The following OR2Y1 variants were observed in gnomAD, a reference collection of about 807,000 sequenced individuals.
The protein encoded by OR2Y1 is olfactory receptor 2Y1.
For synonymous variants in OR2Y1, 163 were observed against 154.2 expected, an observed-to-expected ratio of 1.06 and a Z score of -0.42; for missense variants, 412 against 388.4, an observed-to-expected ratio of 1.06 and a Z score of -0.51.
rs749328347 is a variant in OR2Y1 at position 180,739,873 on chromosome 5, A to G, written c.186T>C (p.Phe62=). The G allele has an allele frequency of 5.0e-6, 8 of 1,614,200 alleles. No homozygotes were observed. In the South Asian group the frequency reaches 8.8e-5, roughly 18 times the overall value. ...GGTCCAGGAGGGACAGATGAGAGAG[A>G]AAGAAGTACATAGGTGTGTGCAGCC... is the stretch of plus-strand genomic sequence containing the variant. The part of the protein sequence containing the change: ...DLRLHTPMYF[F]LSHLSLLDLC... Residue 62 remains phenylalanine (F), a synonymous_variant, in exon 1 of 1, where the codon TTT becomes TTC. Coordinates refer to ENST00000307832, the MANE Select transcript of OR2Y1 (RefSeq NM_001001657.1).
In OR2Y1 at chr5:180,739,302, A is replaced by G; in HGVS notation, c.757T>C (p.Ser253Pro). Residue 253 changes from serine to proline, a missense_variant, in exon 1 of 1, where the codon TCA (serine) becomes CCA (proline). Ser to Pro is a moderately conservative substitution (Grantham distance 74). Transcript: ENST00000307832. Reference protein sequence around the residue: ...HLLVVFLFYGSAIYTYLQSIH... With the variant: ...HLLVVFLFYGPAIYTYLQSIH... ...GATTGGAGATATGTGTAGATGGCTG[A>G]GCCATAAAAAAGGAAAACTACTAGG... 6.2e-7 allele frequency: 1 copy of G among 1,613,008 alleles called. No homozygotes were observed. The highest frequency in any genetic ancestry group is 2.2e-5 in the East Asian group (1 of 44,832).
At position 180,739,640 on chromosome 5, in the gene OR2Y1, AG is replaced by A. The variant is rs745568212; in HGVS notation, c.418del (p.Leu140SerfsTer15). On this transcript the variant is annotated frameshift_variant, in exon 1 of 1. Transcript: ENST00000307832. LOFTEE classifies it low-confidence loss of function (END_TRUNC). ...LHYMAIMHPHLCQTLAIASWG... is the reference protein window; with the variant it reads ...LHYMAIMHPHXCQTLAIASWG... The stretch of plus-strand genomic sequence containing the variant: ...GGAGGCGATAGCCAGGGTCTGGCAG[AG>A]ATGGGGGTGCATGATGGCCATGTAG... 3.1e-6 allele frequency: 5 copies of A among 1,614,148 alleles called. No homozygotes were observed. The East Asian group carries it at 8.9e-5, about 29-fold the overall frequency.
rs1766821139 is a variant in OR2Y1 at position 180,739,906 on chromosome 5, T to C, written c.153A>G (p.Leu51=). The C allele has an allele frequency of 6.2e-7, 1 of 1,614,074 alleles. No homozygotes were observed. Among genetic ancestry groups the C allele is most frequent in the African/African-American group, 1.3e-5 (1 of 74,934 alleles). The change falls in exon 1 of 1, where the codon CTA becomes CTG. Residue 51 remains leucine, a synonymous_variant. Transcript: ENST00000307832. ...ACATAGGTGTGTGCAGCCGAAGGTC[T>C]AGCCAGGAGAGAGCGATGATGATGG... ...GNTIIIALSW[L]DLRLHTPMYF...
chr5:180,739,165 C>A lies in OR2Y1; in HGVS notation c.894G>T (p.Gly298=). Residue 298 remains glycine, a synonymous_variant, in exon 1 of 1, where the codon GGG becomes GGT. Coordinates refer to ENST00000307832, the MANE Select transcript of OR2Y1 (RefSeq NM_001001657.1). The part of the protein sequence containing the change: ...IYTLRNKDVK[G]ALWKVLWRGR... The stretch of plus-strand genomic sequence containing the variant: ...CCCTCCATAGTACTTTCCACAGAGC[C>A]CCCTTCACGTCCTTGTTTCTTAGTG... The A allele has an allele frequency of 6.2e-7, 1 of 1,613,106 alleles. No individual in the cohort carries two copies. The highest frequency in any genetic ancestry group is 8.5e-7 in the Non-Finnish European group (1 of 1,179,662).
In OR2Y1 at chr5:180,739,908, G is replaced by C. The variant is rs1423375854; in HGVS notation, c.151C>G (p.Leu51Val). The change falls in exon 1 of 1, where the codon CTA (leucine) becomes GTA (valine). Residue 51 changes from leucine to valine, a missense_variant. Leu to Val is a conservative substitution (Grantham distance 32). Transcript: ENST00000307832. ...GNTIIIALSW[L>V]DLRLHTPMYF... ...ATAGGTGTGTGCAGCCGAAGGTCTA[G>C]CCAGGAGAGAGCGATGATGATGGTG... 3.1e-6 allele frequency: 5 copies of C among 1,614,086 alleles called. No individual in the cohort carries two copies. The African/African-American group carries it at 6.7e-5, about 22-fold the overall frequency.
Position 180,739,424 on chromosome 5 carries a change from A to C in OR2Y1, c.635T>G (p.Leu212Arg). ...RVIVVAVPAALILGSYVHIAH... is the reference protein window; with the variant it reads ...RVIVVAVPAARILGSYVHIAH... Reference sequence around the variant, plus strand: ...AATGTGCACATAGGAGCCTAGAATAAGTGCTGCAGGAACAGCCACGACTAT... The same window carrying C: ...AATGTGCACATAGGAGCCTAGAATACGTGCTGCAGGAACAGCCACGACTAT... The change falls in exon 1 of 1, where the codon CTT becomes CGT. Residue 212 changes from leucine (L) to arginine (R), a missense_variant. Transcript: ENST00000307832. The C allele has an allele frequency of 6.2e-7, 1 of 1,614,240 alleles. No homozygotes were observed. Among genetic ancestry groups the C allele is most frequent in the Non-Finnish European group, 8.5e-7 (1 of 1,180,044 alleles).
chr5:180,739,865 TGA>T lies in OR2Y1; in HGVS notation c.192_193del (p.His65SerfsTer56), dbSNP rs1561791075. ...GAAGCAGAGGTCCAGGAGGGACAGATGAGAGAGAAAGAAGTACATAGGTGTGT... is the reference window on the plus strand; with the variant it reads ...GAAGCAGAGGTCCAGGAGGGACAGATGAGAGAAAGAAGTACATAGGTGTGT... On this transcript the variant is annotated frameshift_variant, in exon 1 of 1. Coordinates refer to ENST00000307832, the MANE Select transcript of OR2Y1 (RefSeq NM_001001657.1). LOFTEE classifies it low-confidence loss of function (END_TRUNC). The T allele has an allele frequency of 6.2e-6, 10 of 1,614,054 alleles. No individual in the cohort carries two copies. Among genetic ancestry groups the T allele is most frequent in the Non-Finnish European group, 8.5e-6 (10 of 1,180,016 alleles).
At position 180,739,575 on chromosome 5, in the gene OR2Y1, G is replaced by A. The variant is rs754459307; in HGVS notation, c.484C>T (p.Leu162Phe). 3 of 1,614,252 alleles carry A rather than the reference G, an allele frequency of 1.9e-6. No homozygotes were observed. Among genetic ancestry groups the A allele is most frequent in the Non-Finnish European group, 2.5e-6 (3 of 1,180,032 alleles). ...GFVNSLIQTG[L>F]AMAMPLCGHR... ...CCACAGAGAGGCATGGCCATTGCGA[G>A]ACCTGTCTGGATCAGAGAGTTCACG... Residue 162 changes from leucine to phenylalanine, a missense_variant, in exon 1 of 1, where the codon CTC becomes TTC. By Grantham distance (22) the Leu-to-Phe change is conservative (BLOSUM62 0). Transcript: ENST00000307832.
rs1173080202 is a variant in OR2Y1, at chr5:180,739,124, T to C, written c.935A>G (p.Ter312TrpextTer?). The C allele has an allele frequency of 6.3e-7, 1 of 1,587,674 alleles. No homozygotes were observed. Among genetic ancestry groups the C allele is most frequent in the East Asian group, 2.2e-5 (1 of 44,724 alleles). Reference sequence around the variant, plus strand: ...TTTTACTGCTCATTTTTTCACCTCCTACCCTGAGTCCCTGCCCCTCCATAG... The same window carrying C: ...TTTTACTGCTCATTTTTTCACCTCCCACCCTGAGTCCCTGCCCCTCCATAG... ...KVLWRGRDSG* is the reference protein window; with the variant it reads ...KVLWRGRDSGW Residue 312 changes from the stop codon to tryptophan (W), a stop_lost, in exon 1 of 1, where the codon TAG becomes TGG. Coordinates refer to ENST00000307832, the MANE Select transcript of OR2Y1 (RefSeq NM_001001657.1).
rs370146799 is a variant in OR2Y1, at chr5:180,739,887, G to T, written c.172C>A (p.Pro58Thr). Reference protein sequence around the residue: ...LSWLDLRLHTPMYFFLSHLSL... With the variant: ...LSWLDLRLHTTMYFFLSHLSL... ...AGATGAGAGAGAAAGAAGTACATAG[G>T]TGTGTGCAGCCGAAGGTCTAGCCAG... Residue 58 changes from proline to threonine, a missense_variant, in exon 1 of 1, where the codon CCT becomes ACT. By Grantham distance (38) the Pro-to-Thr change is conservative. Transcript: ENST00000307832. 2 of 1,614,216 alleles carry T rather than the reference G, an allele frequency of 1.2e-6. No individual in the cohort carries two copies. The highest frequency in any genetic ancestry group is 4.5e-5 in the East Asian group (2 of 44,884).
At position 180,739,564 on chromosome 5, in the gene OR2Y1, G is replaced by A; in HGVS notation, c.495C>T (p.Ala165=). Residue 165 remains alanine (A), a synonymous_variant, in exon 1 of 1, where the codon GCC becomes GCT. Transcript: ENST00000307832. ...TCAGTCGATGGCCACAGAGAGGCAT[G>A]GCCATTGCGAGACCTGTCTGGATCA... The part of the protein sequence containing the change: ...NSLIQTGLAM[A]MPLCGHRLNH... 1 of 1,614,254 alleles carries A rather than the reference G, an allele frequency of 6.2e-7. No individual in the cohort carries two copies. The highest frequency in any genetic ancestry group is 8.5e-7 in the Non-Finnish European group (1 of 1,180,032).
Position 180,739,992 on chromosome 5 carries a change from G to T in OR2Y1, c.67C>A (p.Leu23Met), listed in dbSNP as rs1433500190. ...ILVGFSDWPQ[L>M]EPILFVFIFI... ...ATAAAGACAAACAGGATGGGCTCCAGTTGCGGCCAATCTGAGAATCCCACC... is the reference window on the plus strand; with the variant it reads ...ATAAAGACAAACAGGATGGGCTCCATTTGCGGCCAATCTGAGAATCCCACC... Residue 23 changes from leucine (L) to methionine (M), a missense_variant, in exon 1 of 1, where the codon CTG becomes ATG. Leu to Met is a conservative substitution (Grantham distance 15). Coordinates refer to ENST00000307832, the MANE Select transcript of OR2Y1 (RefSeq NM_001001657.1). The T allele has an allele frequency of 1.2e-6, 2 of 1,613,824 alleles. No individual in the cohort carries two copies. Among genetic ancestry groups the T allele is most frequent in the Non-Finnish European group, 1.7e-6 (2 of 1,180,020 alleles).
rs1038889429 is a variant in OR2Y1 at position 180,739,398 on chromosome 5, C to T, written c.661G>A (p.Ala221Thr). 1 of 1,614,208 alleles carries T rather than the reference C, an allele frequency of 6.2e-7. No homozygotes were observed. Among genetic ancestry groups the T allele is most frequent in the Non-Finnish European group, 8.5e-7 (1 of 1,180,050 alleles). The stretch of plus-strand genomic sequence containing the variant: ...GACTTCACCCTCAGCACTGCATGAG[C>T]AATGTGCACATAGGAGCCTAGAATA... Reference protein sequence around the residue: ...ALILGSYVHIAHAVLRVKSTA... With the variant: ...ALILGSYVHITHAVLRVKSTA... Residue 221 changes from alanine (A) to threonine (T), a missense_variant, in exon 1 of 1, where the codon GCT (alanine) becomes ACT (threonine). Ala to Thr is a moderately conservative substitution (Grantham distance 58, BLOSUM62 0). Transcript: ENST00000307832.
chr5:180,739,931 G>A lies in OR2Y1; in HGVS notation c.128C>T (p.Thr43Ile). 6.2e-7 allele frequency: 1 copy of A among 1,614,198 alleles called. No individual in the cohort carries two copies. Among genetic ancestry groups the A allele is most frequent in the Non-Finnish European group, 8.5e-7 (1 of 1,180,012 alleles). The change falls in exon 1 of 1, where the codon ACC (threonine) becomes ATC (isoleucine). Residue 43 changes from threonine (T) to isoleucine (I), a missense_variant. By Grantham distance (89) the Thr-to-Ile change is moderately conservative. Coordinates refer to ENST00000307832, the MANE Select transcript of OR2Y1 (RefSeq NM_001001657.1). ...IFYSLTLFGN[T>I]IIIALSWLDL... ...TAGCCAGGAGAGAGCGATGATGATG[G>A]TGTTGCCAAAGAGAGTTAGGGAGTA...
Position 180,739,193 on chromosome 5 carries a change from T to G in OR2Y1, c.866A>C (p.Tyr289Ser). ...IITPILNPLI[Y>S]TLRNKDVKGA... is the part of the protein sequence containing the mutation. ...CTTCACGTCCTTGTTTCTTAGTGTA[T>G]AAATGAGAGGATTGAGAATGGGGGT... is the stretch of plus-strand genomic sequence containing the variant. Residue 289 changes from tyrosine (Y) to serine (S), a missense_variant, in exon 1 of 1, where the codon TAT becomes TCT. Coordinates refer to ENST00000307832, the MANE Select transcript of OR2Y1 (RefSeq NM_001001657.1). 1 of 1,614,066 alleles carries G rather than the reference T, an allele frequency of 6.2e-7. No homozygotes were observed. Among genetic ancestry groups the G allele is most frequent in the South Asian group, 1.1e-5 (1 of 91,076 alleles).
At position 180,739,743 on chromosome 5, in the gene OR2Y1, C is replaced by T. The variant is rs1336192490; in HGVS notation, c.316G>A (p.Ala106Thr). The T allele has an allele frequency of 6.2e-7, 1 of 1,614,090 alleles. No individual in the cohort carries two copies. The highest frequency in any genetic ancestry group is 1.3e-5 in the African/African-American group (1 of 74,924). Residue 106 changes from alanine to threonine, a missense_variant, in exon 1 of 1, where the codon GCC becomes ACC. Transcript: ENST00000307832. ...GCVAQLFIYL[A>T]LGSTECVLLV... ...AGCACACACTCTGTGGAGCCCAGGG[C>T]TAGGTAGATGAAGAGCTGAGCCACA... is the stretch of plus-strand genomic sequence containing the variant.
Position 180,739,262 on chromosome 5 carries a change from G to A in OR2Y1, c.797C>T (p.Ser266Phe). The change falls in exon 1 of 1, where the codon TCT (serine) becomes TTT (phenylalanine). Residue 266 changes from serine (S) to phenylalanine (F), a missense_variant. Ser to Phe is a radical substitution (Grantham distance 155, BLOSUM62 -2). Coordinates refer to ENST00000307832, the MANE Select transcript of OR2Y1 (RefSeq NM_001001657.1). Reference sequence around the variant, plus strand: ...GGCAACAAATTTTCCCTCACGCTCAGAATAATTGTGGATGGATTGGAGATA... The same window carrying A: ...GGCAACAAATTTTCCCTCACGCTCAAAATAATTGTGGATGGATTGGAGATA... ...YTYLQSIHNYSEREGKFVALF... is the reference protein window; with the variant it reads ...YTYLQSIHNYFEREGKFVALF... 1 of 1,614,154 alleles carries A rather than the reference G, an allele frequency of 6.2e-7. No homozygotes were observed. The highest frequency in any genetic ancestry group is 8.5e-7 in the Non-Finnish European group (1 of 1,180,014).
In OR2Y1 at chr5:180,739,821, G is replaced by A. The variant is rs759224307; in HGVS notation, c.238C>T (p.Gln80Ter). Residue 80 changes from glutamine to a stop codon, truncating the protein, a stop_gained, in exon 1 of 1, where the codon CAG becomes TAG. Coordinates refer to ENST00000307832, the MANE Select transcript of OR2Y1 (RefSeq NM_001001657.1). LOFTEE classifies it low-confidence loss of function (END_TRUNC). ...DLCFTTSTVP[Q>*]LLINLCGVDR... The stretch of plus-strand genomic sequence containing the variant: ...ACCCCGCAAAGGTTGATCAGGAGCT[G>A]GGGCACGGTGCTGGTGGTGAAGCAG... The A allele has an allele frequency of 1.2e-6, 2 of 1,614,248 alleles. No homozygotes were observed. The highest frequency in any genetic ancestry group is 1.7e-6 in the Non-Finnish European group (2 of 1,180,046).
In OR2Y1 at chr5:180,739,824, G is replaced by GCA; in HGVS notation, c.233_234dup (p.Pro79CysfsTer5). On this transcript the variant is annotated frameshift_variant, in exon 1 of 1. Coordinates refer to ENST00000307832, the MANE Select transcript of OR2Y1 (RefSeq NM_001001657.1). LOFTEE classifies it low-confidence loss of function (END_TRUNC). Reference sequence around the variant, plus strand: ...CCGCAAAGGTTGATCAGGAGCTGGGGCACGGTGCTGGTGGTGAAGCAGAGG... The same window carrying GCA: ...CCGCAAAGGTTGATCAGGAGCTGGGGCACACGGTGCTGGTGGTGAAGCAGAGG... The GCA allele has an allele frequency of 7.4e-6, 12 of 1,614,254 alleles. No individual in the cohort carries two copies. The highest frequency in any genetic ancestry group is 1.0e-5 in the Non-Finnish European group (12 of 1,180,046).
Sources: allele counts gnomAD v4.1 joint callset, GRCh38; gene constraint gnomAD v4.1.1; transcripts MANE v1.5; gene names NCBI Gene and HGNC (gene_info 2026-07-23, HGNC 2026-07-21).